MSRA: variants seen among roughly 807,000 people sequenced by gnomAD.
The protein encoded by MSRA is mitochondrial peptide methionine sulfoxide reductase.
Under a neutral mutation model 31.3 loss-of-function variants are expected in MSRA, and 54 were observed. The ratio of observed to expected loss-of-function variants is 1.73; its 90% CI spans 1.39 to 2.17. The LOEUF (loss-of-function observed/expected upper bound fraction) is 2.17. Among genes scored for constraint, MSRA ranks in the 30% most tolerant of loss-of-function variants. The pLI is 0.00. For synonymous variants in MSRA, 169 were observed against 116.5 expected, an observed-to-expected ratio of 1.45 and a Z score of -2.90; for missense variants, 507 against 300.9, an observed-to-expected ratio of 1.69 and a Z score of -5.07.
At chr8:10,159,619 A>T (rs1415449045) in intron 1 of MSRA, among the ~76,000 whole-genome samples, 1 of 151,992 alleles carries the variant, frequency 6.6e-6, no homozygotes, top group African/African-American at 2.4e-5. Flanking sequence ...CATCTCTGTC[A>T]AAGCACTTTA....
At chr8:10,157,463 G>A (rs796249219) in intron 1 of MSRA, among the ~76,000 whole-genome samples, 15 of 152,216 alleles carry the variant, frequency 9.9e-5, no homozygotes, top group African/African-American at 3.6e-4. Context: ...TTTTTAAAAA[G>A]ATTACTGTGG....
chr8:10,092,175 A>C (rs1416344871), intron 1 of MSRA, among the ~76,000 whole-genome samples: 3 of 151,474 alleles, frequency 2.0e-5, no homozygotes, highest in Admixed American at 2.0e-4. Context: ...TTATTTCTTC[A>C]TTATTTAGGA....
chr8:10,324,713 G>A (rs1428679077), intron 5 of MSRA, among the ~76,000 whole-genome samples: 1 of 152,232 alleles, frequency 6.6e-6, no homozygotes. Flanking sequence ...TCACTGAGAT[G>A]TGTGGTTCCA....
intron 5 of MSRA, among the ~76,000 whole-genome samples, chr8:10,334,039 TAAC>T (rs1402414272): frequency 6.6e-6 from 1 of 152,148 alleles, no homozygotes; most frequent in Admixed American, 6.5e-5. Context: ...TGTGGTCTGA[TAAC>T]AGCAGCAGCA....
intron 1 of MSRA, among the ~76,000 whole-genome samples, chr8:10,200,696 G>A (rs1808415311): frequency 6.6e-6 from 1 of 152,140 alleles, no homozygotes; most frequent in Non-Finnish European, 1.5e-5. Context: ...TATAGAACAT[G>A]CTGCTATTGG....
intron 4 of MSRA, among the ~76,000 whole-genome samples, chr8:10,307,528 G>A (rs1000213538): frequency 1.3e-5 from 2 of 152,146 alleles, no homozygotes; most frequent in African/African-American, 4.8e-5. Flanking sequence ...ATTTAAAAAA[G>A]CAAATATATT....
At chr8:10,398,391 G>A (rs11250001) in intron 5 of MSRA, among the ~76,000 whole-genome samples, 104,973 of 152,134 alleles carry the variant, frequency 0.69, 36,933 homozygotes, top group African/African-American at 0.81. Context: ...GTCCCTTGCC[G>A]AGAGAGACCT....
intron 1 of MSRA, among the ~76,000 whole-genome samples, chr8:10,147,387 G>C (rs1340932982): frequency 6.6e-6 from 1 of 152,132 alleles, no homozygotes; most frequent in African/African-American, 2.4e-5. Context: ...GTTGGCAGGA[G>C]GCCTCAGACC....
chr8:10,178,736 G>C (rs1482555706), intron 1 of MSRA, among the ~76,000 whole-genome samples: 1 of 152,130 alleles, frequency 6.6e-6, no homozygotes, highest in African/African-American at 2.4e-5. Context: ...CTGTGATGTT[G>C]AAAGATTGGA....
At chr8:10,253,042 T>C (rs1375902988) in intron 3 of MSRA, among the ~76,000 whole-genome samples, 1 of 152,194 alleles carries the variant, frequency 6.6e-6, no homozygotes, top group African/African-American at 2.4e-5. Context: ...GCCCAGTTAT[T>C]TAAATCCAGC....
At chr8:10,355,106 T>G (rs1408759572) in intron 5 of MSRA, among the ~76,000 whole-genome samples, 2 of 152,212 alleles carry the variant, frequency 1.3e-5, no homozygotes, top group Non-Finnish European at 2.9e-5. Context: ...CCATAACTCT[T>G]TACTGTGTCA....
intron 5 of MSRA, among the ~76,000 whole-genome samples, chr8:10,414,815 C>T (rs767332117): frequency 6.6e-6 from 1 of 152,132 alleles, no homozygotes; most frequent in Non-Finnish European, 1.5e-5. Flanking sequence ...AAATGCTAAG[C>T]ATATAACAAA....
chr8:10,119,662 C>T (rs1800961532), intron 1 of MSRA, among the ~76,000 whole-genome samples: 1 of 152,124 alleles, frequency 6.6e-6, no homozygotes, highest in Non-Finnish European at 1.5e-5. Context: ...ACAGCATGTG[C>T]ATGATTATTG....
chr8:10,069,682 A>G (rs761170204), intron 1 of MSRA, among the ~76,000 whole-genome samples: 2 of 152,178 alleles, frequency 1.3e-5, no homozygotes, highest in Non-Finnish European at 2.9e-5. Flanking sequence ...ATTCTCATCC[A>G]TGAGGGATGA....
chr8:10,077,884 G>A (rs753603803), intron 1 of MSRA, among the ~76,000 whole-genome samples: 88 of 152,054 alleles, frequency 5.8e-4, no homozygotes, highest in Admixed American at 3.7e-3. Flanking sequence ...CTGTAATTCT[G>A]TACGTTGTTG....
chr8:10,183,335 G>T (rs1048688304), intron 1 of MSRA, among the ~76,000 whole-genome samples: 1 of 152,166 alleles, frequency 6.6e-6, no homozygotes, highest in African/African-American at 2.4e-5. Flanking sequence ...GTGTCATCTG[G>T]TACTTACGGC....
chr8:10,274,913 A>G (rs1329115302), intron 3 of MSRA, among the ~76,000 whole-genome samples: 2 of 152,296 alleles, frequency 1.3e-5, no homozygotes, highest in African/African-American at 2.4e-5. Context: ...CCATTCGTCT[A>G]TCTTCTTTTG....
intron 2 of MSRA, among the ~76,000 whole-genome samples, chr8:10,237,629 C>G (rs981818354): frequency 1.3e-5 from 2 of 152,186 alleles, no homozygotes; most frequent in Admixed American, 1.3e-4. Context: ...TATTTTGACT[C>G]ATTAAAACTA....
intron 2 of MSRA, among the ~76,000 whole-genome samples, chr8:10,234,649 C>T (rs1811798134): frequency 6.6e-6 from 1 of 151,882 alleles, no homozygotes; most frequent in African/African-American, 2.4e-5. Flanking sequence ...AAGAGATTAT[C>T]AAATTGGCTA....
Sources: allele counts gnomAD v4.1 joint callset (sites outside exome capture counted in the v4.1 genomes callset), GRCh38; gene constraint gnomAD v4.1.1; transcripts MANE v1.5; gene names NCBI Gene and HGNC (gene_info 2026-07-23, HGNC 2026-07-21).